The following FGF10 variants were observed in gnomAD, a reference collection of about 807,000 sequenced individuals.
FGF10 encodes the protein FGF-10.
Under a neutral mutation model 19.8 loss-of-function variants are expected in FGF10, and 2 were observed. The ratio of observed to expected loss-of-function variants is 0.10; its 90% CI spans 0.04 to 0.32. FGF10 has a LOEUF of 0.32. Among genes scored for constraint, FGF10 ranks in the 10% least tolerant of loss-of-function variants. FGF10 has a pLI of 1.00. For missense variants in FGF10, 191 were observed against 246.3 expected (o/e 0.78, Z 1.50); for synonymous variants, 112 against 94.0 (o/e 1.19, Z -1.10).
At chr5:44,315,543 T>G (rs1003410607) in intron 1 of FGF10, among the ~76,000 whole-genome samples, 1 of 152,164 alleles carries the variant, frequency 6.6e-6, no homozygotes, top group Non-Finnish European at 1.5e-5. Flanking sequence ...AAAAAAAAAT[T>G]ATTGTGAAAC....
chr5:44,376,612 T>C (rs919154938), intron 1 of FGF10, among the ~76,000 whole-genome samples: 5 of 148,184 alleles, frequency 3.4e-5, no homozygotes, highest in East Asian at 2.1e-4. Context: ...CAGTGAAATA[T>C]ACATATTAAG....
Position 44,300,901 on chromosome 5 carries a change from AC to A in FGF10, c.*4093del, listed in dbSNP as rs1293697063. On this transcript the variant is annotated 3_prime_UTR_variant, in exon 3 of 3. Coordinates refer to ENST00000264664, the MANE Select transcript of FGF10 (RefSeq NM_004465.2). ...AATAAGAGTTATATCTAGGATGTTT[AC>A]CTTTTTGGATCTTGTAGTAAAGGAG... is the stretch of plus-strand genomic sequence containing the variant. Among the ~76,000 whole-genome samples, 5 of 151,658 alleles carry A rather than the reference AC, an allele frequency of 3.3e-5. No homozygotes were observed. The highest frequency in any genetic ancestry group is 3.3e-4 in the Admixed American group (5 of 15,196).
In FGF10 at chr5:44,305,917, G is replaced by C. The variant is rs183883878; in HGVS notation, c.430-725C>G. ...CATGGTGAATAGCAATGCCTACATT[G>C]TATCTTAAGGACTTGGATCCTGGGA... On this transcript the variant is annotated intron_variant, in intron 2 of 2. Coordinates refer to ENST00000264664, the MANE Select transcript of FGF10 (RefSeq NM_004465.2). Among the ~76,000 whole-genome samples, 4 of 152,140 alleles carry C rather than the reference G, an allele frequency of 2.6e-5. No homozygotes were observed. In the South Asian group the frequency reaches 8.3e-4, roughly 31 times the overall value.
At chr5:44,330,526 G>T (rs1461691144) in intron 1 of FGF10, among the ~76,000 whole-genome samples, 1 of 152,144 alleles carries the variant, frequency 6.6e-6, no homozygotes. Flanking sequence ...GCATATTTGA[G>T]ATATAAACAT....
chr5:44,360,345 T>G (rs549227098), intron 1 of FGF10, among the ~76,000 whole-genome samples: 2 of 151,614 alleles, frequency 1.3e-5, no homozygotes, highest in Non-Finnish European at 3.0e-5. Context: ...TCCTGACATT[T>G]GATATCTTCT....
At chr5:44,311,778 G>A (rs1416351093) in intron 1 of FGF10, among the ~76,000 whole-genome samples, 2 of 152,064 alleles carry the variant, frequency 1.3e-5, no homozygotes, top group Non-Finnish European at 2.9e-5. Context: ...AAATCTGAAA[G>A]TTGAGCATAT....
intron 1 of FGF10, among the ~76,000 whole-genome samples, chr5:44,328,701 G>C (rs151296399): frequency 6.6e-6 from 1 of 152,352 alleles, no homozygotes; most frequent in African/African-American, 2.4e-5. Context: ...GGTAGAGGCT[G>C]CAGTGAGCTG....
chr5:44,349,195 A>G (rs1440263397), intron 1 of FGF10, among the ~76,000 whole-genome samples: 1 of 150,492 alleles, frequency 6.6e-6, no homozygotes, highest in African/African-American at 2.4e-5. Context: ...TCTCATAGGC[A>G]CTTGTCTCTA....
At chr5:44,342,881 C>A (rs1226590416) in intron 1 of FGF10, among the ~76,000 whole-genome samples, 2 of 151,908 alleles carry the variant, frequency 1.3e-5, no homozygotes, top group African/African-American at 4.8e-5. Context: ...ATTGCATTGT[C>A]TACTAGCTCC....
intron 1 of FGF10, among the ~76,000 whole-genome samples, chr5:44,336,736 T>A (rs188231278): frequency 2.6e-5 from 4 of 152,326 alleles, no homozygotes; most frequent in African/African-American, 7.2e-5. Context: ...AATGAGATGA[T>A]GCCTTAAAAG....
At chr5:44,329,312 G>A (rs1414914986) in intron 1 of FGF10, among the ~76,000 whole-genome samples, 1 of 152,082 alleles carries the variant, frequency 6.6e-6, no homozygotes, top group Non-Finnish European at 1.5e-5. Flanking sequence ...GAGTAGCTGG[G>A]ATTACAGGTG....
intron 1 of FGF10, among the ~76,000 whole-genome samples, chr5:44,349,968 T>C (rs1409943223): frequency 1.3e-5 from 2 of 151,268 alleles, no homozygotes; most frequent in African/African-American, 2.4e-5. Context: ...GTATACTCAA[T>C]AGTGTATGGC....
At chr5:44,309,988 T>C (rs888927473) in intron 2 of FGF10, among the ~76,000 whole-genome samples, 1 of 152,150 alleles carries the variant, frequency 6.6e-6, no homozygotes, top group Non-Finnish European at 1.5e-5. Flanking sequence ...TCTTGACACA[T>C]TTCCCCATTT....
intron 1 of FGF10, among the ~76,000 whole-genome samples, chr5:44,335,271 TGAC>T (rs1740821288): frequency 6.6e-6 from 1 of 152,042 alleles, no homozygotes; most frequent in Non-Finnish European, 1.5e-5. Flanking sequence ...TGAGAAGAAA[TGAC>T]CTACTCTCCC....
Position 44,352,842 on chromosome 5 carries a change from G to A in FGF10, c.325+35516C>T, listed in dbSNP as rs866109814. On this transcript the variant is annotated intron_variant, in intron 1 of 2. Transcript: ENST00000264664. ...AGAAGGATTTTTCTGAGATTTGAAC[G>A]AGTTAATTATAATATGTCCTCAATA... 8.0e-4 allele frequency among the ~76,000 whole-genome samples: 121 copies of A among 151,648 alleles called. 2 individuals are homozygous for A. Among genetic ancestry groups the A allele is most frequent in the African/African-American group, 2.7e-3 (112 of 41,450 alleles).
intron 1 of FGF10, among the ~76,000 whole-genome samples, chr5:44,372,450 CT>C (rs1169121444): frequency 6.6e-6 from 1 of 152,152 alleles, no homozygotes; most frequent in Non-Finnish European, 1.5e-5. Context: ...TTAATCACAT[CT>C]GCAAAACTTT....
Position 44,304,926 on chromosome 5 carries a change from A to C in FGF10, c.*69T>G, listed in dbSNP as rs1193386141. 6.9e-7 allele frequency: 1 copy of C among 1,450,864 alleles called. No individual in the cohort carries two copies. The highest frequency in any genetic ancestry group is 9.7e-7 in the Non-Finnish European group (1 of 1,032,096). The allele number at this position is 1,450,864 out of a possible 1,614,324, so 89.9% of individuals were successfully genotyped here. ...CTTTGCCTTTCAATCTACTGTCTTC[A>C]TGAAGAATATCCACTATTCTTGGCA... On this transcript the variant is annotated 3_prime_UTR_variant, in exon 3 of 3. Coordinates refer to ENST00000264664, the MANE Select transcript of FGF10 (RefSeq NM_004465.2).
intron 1 of FGF10, among the ~76,000 whole-genome samples, chr5:44,326,467 T>A (rs1369624928): frequency 1.3e-5 from 2 of 152,064 alleles, no homozygotes; most frequent in African/African-American, 4.8e-5. Flanking sequence ...TCCATGATCA[T>A]GGCTCATTAC....
chr5:44,371,580 A>G (rs1741742873), intron 1 of FGF10, among the ~76,000 whole-genome samples: 1 of 152,142 alleles, frequency 6.6e-6, no homozygotes, highest in African/African-American at 2.4e-5. Context: ...CCCTTTAATC[A>G]AGTCAGATTG....
Sources: allele counts gnomAD v4.1 joint callset (sites outside exome capture counted in the v4.1 genomes callset), GRCh38; gene constraint gnomAD v4.1.1; transcripts MANE v1.5; gene names NCBI Gene and HGNC (gene_info 2026-07-23, HGNC 2026-07-21).